Variants in ZNF804B observed in about 807,000 individuals in gnomAD.
ZNF804B encodes zinc finger protein 804B, also known as zinc finger 804B.
ZNF804B carries 80 observed loss-of-function variants against 101.4 expected under a neutral mutation model. The observed-to-expected ratio is 0.79, with a 90% confidence interval of 0.66 to 0.95. The LOEUF (loss-of-function observed/expected upper bound fraction) is 0.95, where lower values mean the gene tolerates loss of function less well. Ranked by LOEUF, ZNF804B falls within the 40% of genes least tolerant of loss-of-function variation. The pLI is 0.00. For synonymous variants in ZNF804B, 622 were observed against 558.8 expected (o/e 1.11, Z -1.59); for missense variants, 1,673 against 1,561.9 (o/e 1.07, Z -1.20).
intron 1 of ZNF804B, among the ~76,000 whole-genome samples, chr7:88,943,804 T>C (rs1237902375): frequency 6.6e-6 from 1 of 151,804 alleles, no homozygotes; most frequent in African/African-American, 2.4e-5. Context: ...AACTTTGAAT[T>C]TTCTAGAATG....
At chr7:88,986,856 A>G (rs745667932) in intron 1 of ZNF804B, among the ~76,000 whole-genome samples, 2 of 152,110 alleles carry the variant, frequency 1.3e-5, no homozygotes, top group Non-Finnish European at 2.9e-5. Context: ...AGAGCTGAAC[A>G]AAGTTGAACA....
chr7:89,258,024 T>C (rs1046022686), intron 2 of ZNF804B, among the ~76,000 whole-genome samples: 2 of 152,100 alleles, frequency 1.3e-5, no homozygotes, highest in African/African-American at 4.8e-5. Flanking sequence ...TTCATATTCA[T>C]TGGTTCCACA....
At chr7:89,108,548 C>A (rs1790169317) in intron 1 of ZNF804B, among the ~76,000 whole-genome samples, 1 of 152,144 alleles carries the variant, frequency 6.6e-6, no homozygotes, top group Non-Finnish European at 1.5e-5. Context: ...AACAATCTCA[C>A]AGGTCATCTC....
At chr7:89,107,608 T>C (rs1397234519) in intron 1 of ZNF804B, among the ~76,000 whole-genome samples, 3 of 152,080 alleles carry the variant, frequency 2.0e-5, no homozygotes, top group Non-Finnish European at 4.4e-5. Context: ...AACCAGCATT[T>C]CTCTTCCTGT....
At chr7:88,887,896 T>C (rs1479653354) in intron 1 of ZNF804B, among the ~76,000 whole-genome samples, 1 of 152,166 alleles carries the variant, frequency 6.6e-6, no homozygotes, top group Non-Finnish European at 1.5e-5. Flanking sequence ...ATATGTATAT[T>C]CTTTAAAAAA....
chr7:89,279,866 T>C (rs1790056787), intron 2 of ZNF804B, among the ~76,000 whole-genome samples: 2 of 152,002 alleles, frequency 1.3e-5, no homozygotes, highest in African/African-American at 2.4e-5. Flanking sequence ...GCGGGCCTCA[T>C]AGGATACCCA....
chr7:89,246,043 T>A (rs548137697), intron 2 of ZNF804B, among the ~76,000 whole-genome samples: 19 of 152,288 alleles, frequency 1.2e-4, no homozygotes, highest in African/African-American at 3.9e-4. Flanking sequence ...GATGTCATTA[T>A]AACCTGGGTG....
At chr7:88,866,977 A>C (rs1007006426) in intron 1 of ZNF804B, among the ~76,000 whole-genome samples, 2 of 152,182 alleles carry the variant, frequency 1.3e-5, no homozygotes, top group African/African-American at 4.8e-5. Context: ...TATAGAATGC[A>C]TTATAAGATG....
chr7:89,011,627 C>G (rs1178325845), intron 1 of ZNF804B, among the ~76,000 whole-genome samples: 1 of 152,078 alleles, frequency 6.6e-6, no homozygotes, highest in Non-Finnish European at 1.5e-5. Context: ...CTCCACAACC[C>G]AATAGGGCAG....
At chr7:89,265,298 G>GCA (rs1562931374) in intron 2 of ZNF804B, among the ~76,000 whole-genome samples, 2 of 84,292 alleles carry the variant, frequency 2.4e-5, no homozygotes, top group Admixed American at 1.5e-4. Flanking sequence ...GTGTGTGCGC[G>GCA]TGCGCGCGCG....
At chr7:88,822,040 T>A (rs1196686267) in intron 1 of ZNF804B, among the ~76,000 whole-genome samples, 1 of 152,200 alleles carries the variant, frequency 6.6e-6, no homozygotes, top group Non-Finnish European at 1.5e-5. Context: ...CAAACGGTCA[T>A]TGACTCCTGT....
intron 3 of ZNF804B, among the ~76,000 whole-genome samples, chr7:89,329,146 C>T (rs1237802689): frequency 6.6e-6 from 1 of 151,760 alleles, no homozygotes; most frequent in Non-Finnish European, 1.5e-5. Flanking sequence ...CAAACCTAAC[C>T]ACTCCTTTTG....
intron 2 of ZNF804B, among the ~76,000 whole-genome samples, chr7:89,259,924 G>T (rs945881632): frequency 2.0e-5 from 3 of 152,090 alleles, no homozygotes; most frequent in African/African-American, 7.2e-5. Context: ...GGTGGAGATT[G>T]TAGTGACCTG....
chr7:88,926,941 A>T (rs62464067), intron 1 of ZNF804B, among the ~76,000 whole-genome samples: 9 of 84,484 alleles, frequency 1.1e-4, no homozygotes, highest in Middle Eastern at 5.8e-3. Flanking sequence ...GGTGGTGGGG[A>T]GCGGGGGGAA....
At chr7:88,982,118 G>T (rs1016772778) in intron 1 of ZNF804B, among the ~76,000 whole-genome samples, 1 of 151,712 alleles carries the variant, frequency 6.6e-6, no homozygotes, top group Non-Finnish European at 1.5e-5. Flanking sequence ...TGTGACTTGG[G>T]GGCTCCTTTG....
chr7:89,301,112 T>TC (rs948561238), intron 2 of ZNF804B, among the ~76,000 whole-genome samples: 1 of 149,658 alleles, frequency 6.7e-6, no homozygotes, highest in Non-Finnish European at 1.5e-5. Flanking sequence ...TTTTTTTTTT[T>TC]TTTTTTTTTT....
rs546224034 is a variant in ZNF804B, at chr7:88,776,897, G to A, written c.108+16813G>A. On this transcript the variant is annotated intron_variant, in intron 1 of 3. Coordinates refer to ENST00000333190, the MANE Select transcript of ZNF804B (RefSeq NM_181646.5). ...ATTATTCTCAGCTTTTCAAACAGAG[G>A]TAATCCAATACCAAGTAATTGTTTA... Among the ~76,000 whole-genome samples the A allele has an allele frequency of 3.3e-5, 5 of 150,738 alleles. No individual in the cohort carries two copies. The South Asian group carries it at 1.0e-3, about 32-fold the overall frequency.
rs901548273 is a variant in ZNF804B, at chr7:89,338,153, G to T, written c.*1121G>T. ...TATTGGTGCATAATCCTACAGTTAG[G>T]TTTATTATTTTATGTTCTTAAGCAT... On this transcript the variant is annotated 3_prime_UTR_variant, in exon 4 of 4. Coordinates refer to ENST00000333190, the MANE Select transcript of ZNF804B (RefSeq NM_181646.5). 6.6e-6 allele frequency among the ~76,000 whole-genome samples: 1 copy of T among 151,982 alleles called. No homozygotes were observed. The highest frequency in any genetic ancestry group is 1.9e-4 in the East Asian group (1 of 5,188).
intron 1 of ZNF804B, among the ~76,000 whole-genome samples, chr7:89,103,778 T>C (rs1486194100): frequency 1.3e-5 from 2 of 151,706 alleles, no homozygotes; most frequent in African/African-American, 4.8e-5. Flanking sequence ...TAAATAGGAG[T>C]GGTGAGAGCA....
Sources: gnomAD v4.1 joint callset for allele counts (sites outside exome capture counted in the v4.1 genomes callset) on GRCh38, gnomAD v4.1.1 for gene constraint, MANE v1.5 for transcripts, NCBI Gene and HGNC (gene_info 2026-07-23, HGNC 2026-07-21) for gene names.